The following KCNT2 variants were observed in gnomAD, a reference collection of about 807,000 sequenced individuals.
The protein encoded by KCNT2 is potassium sodium-activated channel subfamily T member 2.
KCNT2 carries 67 observed loss-of-function variants against 153.8 expected under a neutral mutation model. The ratio of observed to expected loss-of-function variants is 0.44; its 90% confidence interval spans 0.36 to 0.53. KCNT2 has a LOEUF of 0.53. KCNT2 is among the 20% of genes least tolerant of loss of function. The probability of loss-of-function intolerance (pLI) is 0.00; values close to 1 mark genes in which losing one functional copy is unlikely to be tolerated. For synonymous variants in KCNT2, 500 were observed against 458.8 expected, an observed-to-expected ratio of 1.09 and a Z score of -1.15; for missense variants, 975 against 1,354.8, an observed-to-expected ratio of 0.72 and a Z score of 4.40.
chr1:196,449,296 T>C (rs1001771033), intron 8 of KCNT2, among the ~76,000 whole-genome samples: 2 of 151,684 alleles, frequency 1.3e-5, no homozygotes, highest in Non-Finnish European at 3.0e-5. Flanking sequence ...ATCAATGTGC[T>C]AGCAAACCAG....
chr1:196,448,314 C>T (rs1222043881), intron 8 of KCNT2, among the ~76,000 whole-genome samples: 1 of 151,552 alleles, frequency 6.6e-6, no homozygotes, highest in Non-Finnish European at 1.5e-5. Context: ...AGGCAATAGG[C>T]AGGGAGCCAA....
chr1:196,475,694 C>T (rs1316952285), intron 5 of KCNT2, among the ~76,000 whole-genome samples: 2 of 151,990 alleles, frequency 1.3e-5, no homozygotes, highest in Non-Finnish European at 2.9e-5. Flanking sequence ...TAAATGACTA[C>T]CAATTACTTG....
intron 1 of KCNT2, among the ~76,000 whole-genome samples, chr1:196,576,175 T>C (rs966017481): frequency 6.6e-6 from 1 of 151,720 alleles, no homozygotes; most frequent in African/African-American, 2.4e-5. Flanking sequence ...CATTTTACAA[T>C]GGTAGGAATT....
At chr1:196,449,249 A>G (rs1675948420) in intron 8 of KCNT2, among the ~76,000 whole-genome samples, 1 of 151,744 alleles carries the variant, frequency 6.6e-6, no homozygotes, top group Admixed American at 6.6e-5. Context: ...GAACAAGCTC[A>G]TATGAAATTC....
Position 196,468,437 on chromosome 1 carries a change from T to C in KCNT2, c.459+557A>G, listed in dbSNP as rs555156477. ...TTATTAAATTGCGATTAAAATATAG[T>C]TTTGCAAAAGGAAAGTGCTGAGTAA... On this transcript the variant is annotated intron_variant, in intron 6 of 27. Transcript: ENST00000294725. Among the ~76,000 whole-genome samples the C allele has an allele frequency of 4.6e-5, 7 of 152,212 alleles. No individual in the cohort carries two copies. The South Asian group carries it at 6.2e-4, about 14-fold the overall frequency.
At chr1:196,590,243 A>T (rs1333421977) in intron 1 of KCNT2, among the ~76,000 whole-genome samples, 1 of 152,190 alleles carries the variant, frequency 6.6e-6, no homozygotes, top group African/African-American at 2.4e-5. Flanking sequence ...TTGACCGAGT[A>T]TAGCTGTTCT....
chr1:196,608,223 G>T lies in KCNT2; in HGVS notation c.87C>A (p.Asn29Lys). The T allele has an allele frequency of 1.2e-6, 2 of 1,613,848 alleles. No homozygotes were observed. Among genetic ancestry groups the T allele is most frequent in the Middle Eastern group, 3.3e-4 (2 of 6,060 alleles). The change falls in exon 1 of 28, where the codon AAC (asparagine) becomes AAA (lysine). Residue 29 changes from asparagine to lysine, a missense_variant. By Grantham distance (94) the Asn-to-Lys change is moderately conservative (BLOSUM62 0). Coordinates refer to ENST00000294725, the MANE Select transcript of KCNT2 (RefSeq NM_198503.5). ...TCCACCACACCACTCACCTGTCGTC[G>T]TTTTGCCATCCTTGGTCCCCTAGCA... is the stretch of plus-strand genomic sequence containing the variant. Reference protein sequence around the residue: ...DLLLGDQGWQNDDRVQVEFYM... With the variant: ...DLLLGDQGWQKDDRVQVEFYM...
chr1:196,553,403 C>A (rs1319168867), intron 1 of KCNT2, among the ~76,000 whole-genome samples: 1 of 150,808 alleles, frequency 6.6e-6, no homozygotes, highest in South Asian at 2.1e-4. Flanking sequence ...CAAAATATTA[C>A]TCCCAGAAAG....
At chr1:196,548,401 G>GA (rs1433739881) in intron 1 of KCNT2, among the ~76,000 whole-genome samples, 1 of 151,976 alleles carries the variant, frequency 6.6e-6, no homozygotes, top group African/African-American at 2.4e-5. Context: ...AAAAACACAT[G>GA]AAAAAATGCT....
At chr1:196,354,107 A>G (rs1304568028) in intron 14 of KCNT2, among the ~76,000 whole-genome samples, 1 of 151,626 alleles carries the variant, frequency 6.6e-6, no homozygotes, top group Admixed American at 6.6e-5. Flanking sequence ...AGTAGAATTT[A>G]TTTTTTTTAA....
intron 22 of KCNT2, among the ~76,000 whole-genome samples, chr1:196,298,130 A>G (rs1660847419): frequency 6.6e-6 from 1 of 152,212 alleles, no homozygotes; most frequent in African/African-American, 2.4e-5. Context: ...AAAGTAATAT[A>G]TAACTTATAG....
At chr1:196,571,796 G>A (rs192819244) in intron 1 of KCNT2, among the ~76,000 whole-genome samples, 2 of 152,222 alleles carry the variant, frequency 1.3e-5, no homozygotes, top group Admixed American at 1.3e-4. Flanking sequence ...AGTAGAGAAT[G>A]AGGTGTGTTC....
intron 1 of KCNT2, among the ~76,000 whole-genome samples, chr1:196,519,790 A>G (rs1386780227): frequency 6.6e-6 from 1 of 152,098 alleles, no homozygotes; most frequent in African/African-American, 2.4e-5. Context: ...CTGAAATTAA[A>G]TCAGTAATAA....
intron 21 of KCNT2, among the ~76,000 whole-genome samples, chr1:196,312,258 G>A (rs899375793): frequency 6.6e-6 from 1 of 151,482 alleles, no homozygotes; most frequent in East Asian, 2.0e-4. Context: ...CAATTGCTTA[G>A]GATTCAAGGA....
intron 13 of KCNT2, among the ~76,000 whole-genome samples, chr1:196,385,238 C>T (rs536519030): frequency 6.6e-6 from 1 of 152,166 alleles, no homozygotes; most frequent in East Asian, 1.9e-4. Flanking sequence ...CAGCAGATTC[C>T]AAAAATAAAA....
At chr1:196,392,412 A>G (rs1670569863) in intron 13 of KCNT2, among the ~76,000 whole-genome samples, 5 of 151,430 alleles carry the variant, frequency 3.3e-5, no homozygotes, top group Non-Finnish European at 7.4e-5. Flanking sequence ...TTAATGTTTT[A>G]TATTTTGAAA....
intron 12 of KCNT2, among the ~76,000 whole-genome samples, chr1:196,418,247 G>A (rs1456164771): frequency 1.3e-5 from 2 of 151,954 alleles, no homozygotes; most frequent in Non-Finnish European, 2.9e-5. Flanking sequence ...AGGCCAAGGC[G>A]GGCAGATCAC....
At chr1:196,492,835 A>G (rs1383404545) in intron 1 of KCNT2, among the ~76,000 whole-genome samples, 3 of 152,130 alleles carry the variant, frequency 2.0e-5, no homozygotes, top group South Asian at 4.1e-4. Context: ...TCAATTCTTC[A>G]CTACACCTAT....
chr1:196,248,874 C>T (rs1378895647), intron 26 of KCNT2, among the ~76,000 whole-genome samples: 1 of 152,026 alleles, frequency 6.6e-6, no homozygotes, highest in Non-Finnish European at 1.5e-5. Flanking sequence ...AACTACAGGC[C>T]AATATCTCTG....
Sources: gnomAD v4.1 joint callset for allele counts (sites outside exome capture counted in the v4.1 genomes callset) on GRCh38, gnomAD v4.1.1 for gene constraint, MANE v1.5 for transcripts, NCBI Gene and HGNC (gene_info 2026-07-23, HGNC 2026-07-21) for gene names.